Variants in ADGRL3 observed in about 807,000 individuals in gnomAD.
The protein encoded by ADGRL3 is calcium-independent alpha-latrotoxin receptor 3.
In ADGRL3, 62 loss-of-function variants were observed where a neutral mutation model predicts 153.5. That is an observed-to-expected ratio of 0.40 (90% CI 0.33 to 0.50). ADGRL3 has a LOEUF of 0.50. Ranked by LOEUF, ADGRL3 falls within the 20% of genes least tolerant of loss-of-function variation. The pLI is 0.47. For missense variants in ADGRL3, 1,641 were observed against 1,859.4 expected (o/e 0.88, Z 2.16); for synonymous variants, 710 against 672.5 (o/e 1.06, Z -0.86).
intron 8 of ADGRL3, among the ~76,000 whole-genome samples, chr4:61,782,488 A>T (rs1404403929): frequency 6.6e-6 from 1 of 152,186 alleles, no homozygotes; most frequent in Admixed American, 6.5e-5. Context: ...TACAGTAGTC[A>T]TCCACAGATA....
chr4:61,682,945 T>C (rs2095368361), intron 6 of ADGRL3, among the ~76,000 whole-genome samples: 1 of 152,092 alleles, frequency 6.6e-6, no homozygotes, highest in Non-Finnish European at 1.5e-5. Flanking sequence ...TTCAGTCAAG[T>C]GGGGCTTAGA....
chr4:61,731,017 T>G (rs1334338976), intron 7 of ADGRL3, among the ~76,000 whole-genome samples: 1 of 151,970 alleles, frequency 6.6e-6, no homozygotes, highest in Non-Finnish European at 1.5e-5. Context: ...AGGGAAAAAG[T>G]TTTTCGAACC....
intron 21 of ADGRL3, among the ~76,000 whole-genome samples, chr4:62,008,786 A>G (rs1223299601): frequency 6.6e-6 from 1 of 151,980 alleles, no homozygotes; most frequent in Non-Finnish European, 1.5e-5. Flanking sequence ...ATCAAAATAG[A>G]TACACGCATA....
At chr4:61,558,625 A>T (rs980166154) in intron 4 of ADGRL3, among the ~76,000 whole-genome samples, 1 of 151,834 alleles carries the variant, frequency 6.6e-6, no homozygotes, top group South Asian at 2.1e-4. Flanking sequence ...TCAATCAATC[A>T]TCTATCTGTC....
At chr4:61,712,116 G>A (rs1412157781) in intron 6 of ADGRL3, among the ~76,000 whole-genome samples, 3 of 152,086 alleles carry the variant, frequency 2.0e-5, no homozygotes, top group Non-Finnish European at 2.9e-5. Flanking sequence ...GTTTTGGTCC[G>A]GGTTTGGTGG....
intron 1 of ADGRL3, among the ~76,000 whole-genome samples, chr4:61,332,916 G>T (rs901351039): frequency 6.6e-6 from 1 of 152,134 alleles, no homozygotes; most frequent in African/African-American, 2.4e-5. Flanking sequence ...CATGGTGAAA[G>T]AATCCGTATT....
At chr4:62,056,159 A>G (rs1350072941) in intron 25 of ADGRL3, among the ~76,000 whole-genome samples, 3 of 151,850 alleles carry the variant, frequency 2.0e-5, no homozygotes, top group South Asian at 2.1e-4. Context: ...GTGATTCTTT[A>G]TGTATTAAAT....
intron 1 of ADGRL3, among the ~76,000 whole-genome samples, chr4:61,292,623 A>G (rs1210886496): frequency 6.6e-6 from 1 of 152,210 alleles, no homozygotes; most frequent in Non-Finnish European, 1.5e-5. Flanking sequence ...TGGTCGTACT[A>G]GAGTGAATAA....
chr4:61,865,649 A>G, intron 9 of ADGRL3, among the ~76,000 whole-genome samples: 1 of 152,142 alleles, frequency 6.6e-6, no homozygotes, highest in East Asian at 1.9e-4. Flanking sequence ...TTTCTTCACA[A>G]TGTTCTCCTC....
At chr4:61,292,415 A>G (rs1401022037) in intron 1 of ADGRL3, among the ~76,000 whole-genome samples, 1 of 152,218 alleles carries the variant, frequency 6.6e-6, no homozygotes, top group Non-Finnish European at 1.5e-5. Flanking sequence ...TACAACTTAT[A>G]TGAAAGAGAC....
chr4:62,026,262 C>T (rs1326234390), intron 21 of ADGRL3, among the ~76,000 whole-genome samples: 2 of 152,098 alleles, frequency 1.3e-5, no homozygotes, highest in Non-Finnish European at 2.9e-5. Flanking sequence ...AAATAAGCAG[C>T]TTCCATTTTG....
chr4:61,794,292 G>A (rs2097379614), intron 8 of ADGRL3, among the ~76,000 whole-genome samples: 1 of 152,056 alleles, frequency 6.6e-6, no homozygotes, highest in Admixed American at 6.6e-5. Context: ...TTAGTCAGGT[G>A]GTCATTTTGC....
At chr4:61,805,421 C>G (rs1055371754) in intron 8 of ADGRL3, among the ~76,000 whole-genome samples, 7 of 152,172 alleles carry the variant, frequency 4.6e-5, no homozygotes, top group Admixed American at 3.3e-4. Context: ...TTCCTTGGCT[C>G]TGTCCTCTAG....
Position 61,472,840 on chromosome 4 carries a change from T to G in ADGRL3, c.-173-24281T>G, listed in dbSNP as rs116013910. Reference sequence around the variant, plus strand: ...CCCTGAGAGAACTGATTTATTTTTTTGGGGGTTGTAGCTTTCTCATATGTA... The same window carrying G: ...CCCTGAGAGAACTGATTTATTTTTTGGGGGGTTGTAGCTTTCTCATATGTA... On this transcript the variant is annotated intron_variant, in intron 2 of 26. Coordinates refer to ENST00000683033, the MANE Select transcript of ADGRL3 (RefSeq NM_001387552.1). Among the ~76,000 whole-genome samples, 1,273 of 152,182 alleles carry G rather than the reference T, an allele frequency of 8.4e-3. 16 individuals carry two copies. The highest frequency in any genetic ancestry group is 0.026 in the African/African-American group (1,085 of 41,560).
At chr4:61,920,639 G>A (rs1337791303) in intron 13 of ADGRL3, among the ~76,000 whole-genome samples, 1 of 152,130 alleles carries the variant, frequency 6.6e-6, no homozygotes, top group African/African-American at 2.4e-5. Context: ...CAGAGACCAA[G>A]GCTGCATCTG....
chr4:61,589,925 G>C (rs1266150818), intron 5 of ADGRL3, among the ~76,000 whole-genome samples: 1 of 152,118 alleles, frequency 6.6e-6, no homozygotes, highest in Admixed American at 6.6e-5. Context: ...TTTGCAATCT[G>C]ATATATGGTC....
At chr4:61,258,889 T>C (rs1356017485) in intron 1 of ADGRL3, among the ~76,000 whole-genome samples, 1 of 152,182 alleles carries the variant, frequency 6.6e-6, no homozygotes, top group African/African-American at 2.4e-5. Flanking sequence ...ACATTGCTAA[T>C]GCAATAAAAA....
intron 4 of ADGRL3, among the ~76,000 whole-genome samples, chr4:61,535,612 A>G (rs1361473670): frequency 1.3e-5 from 2 of 151,860 alleles, no homozygotes; most frequent in Admixed American, 6.6e-5. Flanking sequence ...ATTCATTTTC[A>G]TAACTAATTA....
At chr4:61,290,392 CTT>C (rs1298212572) in intron 1 of ADGRL3, among the ~76,000 whole-genome samples, 6 of 152,094 alleles carry the variant, frequency 3.9e-5, no homozygotes, top group Non-Finnish European at 8.8e-5. Flanking sequence ...TCATTACAAA[CTT>C]AATGTAGTGG....
Sources: gnomAD v4.1 joint callset for allele counts (sites outside exome capture counted in the v4.1 genomes callset) on GRCh38, gnomAD v4.1.1 for gene constraint, MANE v1.5 for transcripts, NCBI Gene and HGNC (gene_info 2026-07-23, HGNC 2026-07-21) for gene names.